Variants in TTC28 observed in about 807,000 individuals in gnomAD.
The protein encoded by TTC28 is tetratricopeptide repeat domain 28.
TTC28 carries 61 observed loss-of-function variants against 198.0 expected under a neutral mutation model. That is an observed-to-expected ratio of 0.31 (90% CI 0.25 to 0.38). The LOEUF (loss-of-function observed/expected upper bound fraction) is 0.38. Ranked by LOEUF, TTC28 falls within the 10% of genes least tolerant of loss-of-function variation. TTC28 has a pLI of 1.00. For synonymous variants in TTC28, 1,171 were observed against 1,297.8 expected (o/e 0.90, Z 2.10); for missense variants, 2,678 against 3,164.0 (o/e 0.85, Z 3.69).
rs567380438 is a variant in TTC28 at position 28,494,688 on chromosome 22, A to G, written c.381+134864T>C. 2.6e-5 allele frequency among the ~76,000 whole-genome samples: 4 copies of G among 152,292 alleles called. No individual in the cohort carries two copies. The South Asian group carries it at 6.2e-4, about 24-fold the overall frequency. On this transcript the variant is annotated intron_variant, in intron 2 of 22. Coordinates refer to ENST00000397906, the MANE Select transcript of TTC28 (RefSeq NM_001145418.2). ...ATTGTCAAACTCATGCTCAAACTCT[A>G]AAATTCTAATAAACTTCAGTTTATC...
At chr22:28,521,424 C>T (rs1056024144) in intron 2 of TTC28, among the ~76,000 whole-genome samples, 1 of 151,894 alleles carries the variant, frequency 6.6e-6, no homozygotes, top group Admixed American at 6.6e-5. Context: ...AAAAAAAAAG[C>T]CTATCTGTGT....
intron 5 of TTC28, among the ~76,000 whole-genome samples, chr22:28,269,163 T>C (rs916852474): frequency 2.6e-5 from 4 of 152,054 alleles, no homozygotes; most frequent in Non-Finnish European, 5.9e-5. Context: ...CCTGCTATTT[T>C]TAAACGTGGG....
intron 2 of TTC28, among the ~76,000 whole-genome samples, chr22:28,370,585 C>A (rs1036237007): frequency 2.0e-5 from 3 of 152,124 alleles, no homozygotes; most frequent in African/African-American, 7.2e-5. Flanking sequence ...ATAGACCAAT[C>A]TGCATATATG....
chr22:28,395,269 C>T (rs1284230161), intron 2 of TTC28, among the ~76,000 whole-genome samples: 1 of 152,162 alleles, frequency 6.6e-6, no homozygotes, highest in Non-Finnish European at 1.5e-5. Flanking sequence ...GCAAATTAAT[C>T]TTCCTCCCTT....
intron 2 of TTC28, among the ~76,000 whole-genome samples, chr22:28,338,660 T>C (rs2045774362): frequency 1.3e-5 from 2 of 152,236 alleles, no homozygotes; most frequent in Non-Finnish European, 2.9e-5. Context: ...ATTCATCATG[T>C]AGTTCTCGTG....
chr22:28,537,316 A>C (rs528972540), intron 2 of TTC28, among the ~76,000 whole-genome samples: 3,291 of 130,454 alleles, frequency 0.025, 89 homozygotes, highest in East Asian at 0.049. Flanking sequence ...AATAAAATAA[A>C]ATAAAATAAA....
chr22:27,996,021 C>A, intron 17 of TTC28, 114 bp downstream of exon 17: 1 of 1,429,130 alleles, frequency 7.0e-7, no homozygotes. Flanking sequence ...GACACGGCCC[C>A]AATCACGGTG....
At chr22:28,672,647 A>G (rs2051908397) in intron 1 of TTC28, among the ~76,000 whole-genome samples, 1 of 152,230 alleles carries the variant, frequency 6.6e-6, no homozygotes, top group Admixed American at 6.5e-5. Flanking sequence ...GCTGTTGAGA[A>G]AGAGAAAGCA....
At chr22:28,596,655 T>C (rs2050547950) in intron 2 of TTC28, among the ~76,000 whole-genome samples, 1 of 152,218 alleles carries the variant, frequency 6.6e-6, no homozygotes, top group African/African-American at 2.4e-5. Context: ...GTTAGAATAA[T>C]GAGATTTTGA....
chr22:28,472,446 T>C (rs1171642582), intron 2 of TTC28, among the ~76,000 whole-genome samples: 1 of 152,038 alleles, frequency 6.6e-6, no homozygotes, highest in Non-Finnish European at 1.5e-5. Flanking sequence ...CTGGGTGGTA[T>C]TAATAGTTTC....
At chr22:28,649,520 T>C (rs1026490828) in intron 1 of TTC28, among the ~76,000 whole-genome samples, 3 of 152,204 alleles carry the variant, frequency 2.0e-5, no homozygotes, top group Admixed American at 2.0e-4. Context: ...CTTGTTAATT[T>C]CCATGGTTTC....
intron 2 of TTC28, among the ~76,000 whole-genome samples, chr22:28,527,250 C>T (rs762187921): frequency 6.6e-5 from 10 of 152,212 alleles, no homozygotes; most frequent in Non-Finnish European, 1.0e-4. Context: ...CCTGCCCACA[C>T]TGGTGCCCCA....
At chr22:28,637,714 T>A (rs1041103089) in intron 1 of TTC28, among the ~76,000 whole-genome samples, 6 of 151,566 alleles carry the variant, frequency 4.0e-5, no homozygotes, top group Non-Finnish European at 8.8e-5. Context: ...AACAGAATGA[T>A]TGAATGGATA....
chr22:28,173,885 G>A (rs761837174), intron 5 of TTC28, among the ~76,000 whole-genome samples: 2 of 152,060 alleles, frequency 1.3e-5, no homozygotes, highest in Non-Finnish European at 2.9e-5. Flanking sequence ...ATATTTTGTG[G>A]GAGGATTACA....
intron 2 of TTC28, among the ~76,000 whole-genome samples, chr22:28,559,735 C>T (rs2049840983): frequency 6.6e-6 from 1 of 152,170 alleles, no homozygotes; most frequent in South Asian, 2.1e-4. Context: ...TTTCTCTTAC[C>T]ACATTCGCTG....
At chr22:28,669,503 T>A (rs956759595) in intron 1 of TTC28, among the ~76,000 whole-genome samples, 6 of 151,850 alleles carry the variant, frequency 4.0e-5, no homozygotes, top group Non-Finnish European at 7.4e-5. Flanking sequence ...ATTAAATATA[T>A]GTTCCTCAAT....
At chr22:28,305,845 G>A (rs2045133711) in intron 3 of TTC28, among the ~76,000 whole-genome samples, 1 of 152,074 alleles carries the variant, frequency 6.6e-6, no homozygotes, top group Non-Finnish European at 1.5e-5. Context: ...TTGGGCCTCA[G>A]AACTCCTCCA....
intron 2 of TTC28, among the ~76,000 whole-genome samples, chr22:28,352,831 T>C (rs553633164): frequency 6.6e-6 from 1 of 152,054 alleles, no homozygotes; most frequent in South Asian, 2.1e-4. Flanking sequence ...TAAAAAACAG[T>C]TTAAAATAAC....
At chr22:28,576,148 T>C (rs2050146465) in intron 2 of TTC28, among the ~76,000 whole-genome samples, 1 of 152,152 alleles carries the variant, frequency 6.6e-6, no homozygotes, top group African/African-American at 2.4e-5. Flanking sequence ...ATGGCTTTTA[T>C]TGTGTTATAT....
Sources: gnomAD v4.1 joint callset for allele counts (sites outside exome capture counted in the v4.1 genomes callset) on GRCh38, gnomAD v4.1.1 for gene constraint, MANE v1.5 for transcripts, NCBI Gene and HGNC (gene_info 2026-07-23, HGNC 2026-07-21) for gene names.